Variants in SYNM observed in about 807,000 individuals in gnomAD.
SYNM encodes desmuslin.
A neutral mutation model predicts 104.0 loss-of-function variants in SYNM; 95 were observed. That is an observed-to-expected ratio of 0.91 (90% CI 0.77 to 1.08). The LOEUF is 1.08. SYNM is among the 50% of genes least tolerant of loss of function. SYNM has a pLI of 0.00. For synonymous variants in SYNM, 918 were observed against 869.0 expected (o/e 1.06, Z -0.99); for missense variants, 2,150 against 2,052.2 (o/e 1.05, Z -0.92).
Position 99,105,405 on chromosome 15 carries a change from A to G in SYNM, c.206A>G (p.Gln69Arg). ...RCAEEARSLR[Q>R]QLDELSWATA... ...GCCGAGGAGGCGCGCAGCTTGCGGC[A>G]GCAGCTGGACGAGCTGAGCTGGGCC... Residue 69 changes from glutamine (Q) to arginine (R), a missense_variant, in exon 1 of 4, where the codon CAG (glutamine) becomes CGG (arginine). Gln to Arg is a conservative substitution (Grantham distance 43). Coordinates refer to ENST00000336292, the MANE Select transcript of SYNM (RefSeq NM_145728.3). The G allele has an allele frequency of 6.6e-7, 1 of 1,509,374 alleles. No homozygotes were observed. The allele number at this position is 1,509,374 out of a possible 1,614,324, so 93.5% of individuals were successfully genotyped here.
In SYNM at chr15:99,131,277, A is replaced by G. The variant is rs782163857; in HGVS notation, c.2917A>G (p.Arg973Gly). ...GAGGGAGGAGCTGTCCGCCCTCACC[A>G]GAGAGGGGCAGGGTGGGCCGGGGAG... ...RMREELSALT[R>G]EGQGGPGSVS... The change falls in exon 4 of 4, where the codon AGA becomes GGA. Residue 973 changes from arginine to glycine, a missense_variant. Transcript: ENST00000336292. The surrounding 1 kb of genome is among the most constrained non-coding windows in gnomAD (Gnocchi z 4.3). The G allele has an allele frequency of 1.2e-5, 19 of 1,611,562 alleles. No individual in the cohort carries two copies. The South Asian group carries it at 1.9e-4, about 16-fold the overall frequency.
chr15:99,138,130 G>C (rs369651345), downstream of SYNM: 17 of 1,611,968 alleles, frequency 1.1e-5, no homozygotes, highest in Non-Finnish European at 1.4e-5. Context: ...TGGGGGCCCT[G>C]CAGACAAGCA....
chr15:99,131,818 G>A lies in SYNM; in HGVS notation c.3458G>A (p.Ser1153Asn), dbSNP rs2067511941. 4.3e-6 allele frequency: 7 copies of A among 1,613,940 alleles called. No individual in the cohort carries two copies. The highest frequency in any genetic ancestry group is 5.9e-6 in the Non-Finnish European group (7 of 1,179,906). ...CCCACTGCAGAAGTGGTGGAGGTAA[G>A]TGCGGGAGGTGACCTAAGTCAGGCA... ...EGPTAEVVEV[S>N]AGGDLSQAAS... The change falls in exon 4 of 4, where the codon AGT (serine) becomes AAT (asparagine). Residue 1153 changes from serine to asparagine, a missense_variant. Coordinates refer to ENST00000336292, the MANE Select transcript of SYNM (RefSeq NM_145728.3). The surrounding 1 kb of genome is among the most constrained non-coding windows in gnomAD (Gnocchi z 4.3).
chr15:99,109,166 C>T (rs1298053502), intron 1 of SYNM, among the ~76,000 whole-genome samples: 11 of 152,028 alleles, frequency 7.2e-5, no homozygotes, highest in Non-Finnish European at 1.0e-4. Flanking sequence ...ATGGCCCATG[C>T]GCCTTCACTG....
At chr15:99,119,615 G>C (rs1555484323) in intron 2 of SYNM, among the ~76,000 whole-genome samples, 1 of 152,200 alleles carries the variant, frequency 6.6e-6, no homozygotes, top group African/African-American at 2.4e-5. Context: ...CCTGTCCGAG[G>C]TCACAGAATC....
At chr15:99,120,218 T>C (rs1555484380) in intron 2 of SYNM, among the ~76,000 whole-genome samples, 2 of 152,150 alleles carry the variant, frequency 1.3e-5, no homozygotes. Context: ...AGGAGCTGGA[T>C]GTACTGGGAT....
rs1321474808 is a variant in SYNM at position 99,105,581 on chromosome 15, G to A, written c.382G>A (p.Ala128Thr). 1.1e-5 allele frequency: 13 copies of A among 1,144,108 alleles called. No individual in the cohort carries two copies. The highest frequency in any genetic ancestry group is 1.4e-5 in the Non-Finnish European group (13 of 930,680). The allele number at this position is 1,144,108 out of a possible 1,614,324, so 70.9% of individuals were successfully genotyped here. Residue 128 changes from alanine to threonine, a missense_variant, in exon 1 of 4, where the codon GCC becomes ACC. Ala to Thr is a moderately conservative substitution (Grantham distance 58). Transcript: ENST00000336292. ...RELQEALGAR[A>T]ALEALLGRLQ... The stretch of plus-strand genomic sequence containing the variant: ...GCTGCAGGAGGCGCTGGGCGCGCGC[G>A]CCGCCCTCGAGGCGCTGCTGGGCCG...
In SYNM at chr15:99,130,166, T is replaced by C. The variant is rs782686323; in HGVS notation, c.1806T>C (p.Asp602=). Residue 602 remains aspartate, a synonymous_variant, in exon 4 of 4, where the codon GAT becomes GAC. Transcript: ENST00000336292. The stretch of plus-strand genomic sequence containing the variant: ...AAGGTTTGCAGACGCCTGTGAAGGA[T>C]GCTGGTGGTGGGACCGGTAGAGAGG... ...SPKGLQTPVK[D]AGGGTGREAE... The C allele has an allele frequency of 6.2e-7, 1 of 1,613,844 alleles. No individual in the cohort carries two copies. Among genetic ancestry groups the C allele is most frequent in the South Asian group, 1.1e-5 (1 of 91,074 alleles).
chr15:99,130,901 C>G lies in SYNM; in HGVS notation c.2541C>G (p.Gly847=). ...EHPGGHDRDD[G]SVYGQIHIEE... The stretch of plus-strand genomic sequence containing the variant: ...CCGGGGGGCACGACAGAGATGACGG[C>G]TCGGTGTACGGGCAGATCCACATCG... The change falls in exon 4 of 4, where the codon GGC becomes GGG. Residue 847 remains glycine (G), a synonymous_variant. Coordinates refer to ENST00000336292, the MANE Select transcript of SYNM (RefSeq NM_145728.3). 2.5e-6 allele frequency: 4 copies of G among 1,613,928 alleles called. No individual in the cohort carries two copies. The highest frequency in any genetic ancestry group is 3.4e-6 in the Non-Finnish European group (4 of 1,179,890).
intron 1 of SYNM, among the ~76,000 whole-genome samples, chr15:99,106,942 G>A (rs2067251010): frequency 6.6e-6 from 1 of 152,212 alleles, no homozygotes; most frequent in African/African-American, 2.4e-5. Context: ...AAAGATTTGA[G>A]ACTGACTTTT....
At position 99,105,821 on chromosome 15, in the gene SYNM, G is replaced by A. The variant is rs781983716; in HGVS notation, c.622G>A (p.Glu208Lys). The change falls in exon 1 of 4, where the codon GAG becomes AAG. Residue 208 changes from glutamate (E) to lysine (K), a missense_variant. Glu to Lys is a moderately conservative substitution (Grantham distance 56, BLOSUM62 1). Transcript: ENST00000336292. ...GCAGCTGTACGAGGACGAGGTGCGC[G>A]AGCTGGAGGAGGCGCTGCGGCGCGG... ...TVQLYEDEVR[E>K]LEEALRRGQE... 8.2e-5 allele frequency: 127 copies of A among 1,542,586 alleles called. No homozygotes were observed. Among genetic ancestry groups the A allele is most frequent in the Non-Finnish European group, 1.1e-4 (123 of 1,145,672 alleles).
rs781900681 is a variant in SYNM, at chr15:99,105,950, CTGGAGGACGCGCTGCTGCGGA to C, written c.754_774del (p.Glu252_Met258del). 25 of 1,520,860 alleles carry C rather than the reference CTGGAGGACGCGCTGCTGCGGA, an allele frequency of 1.6e-5. No individual in the cohort carries two copies. The South Asian group carries it at 2.9e-4, about 18-fold the overall frequency. 94.2% of individuals were successfully genotyped at this position (1,520,860 alleles called of 1,614,324 possible). ...CGGGTTGGAGCAGCTGCGCGCGCGGCTGGAGGACGCGCTGCTGCGGATGCGCGAGGAGTACGGGATACAGGC... is the reference window on the plus strand; with the variant it reads ...CGGGTTGGAGCAGCTGCGCGCGCGGCTGCGCGAGGAGTACGGGATACAGGC... On this transcript the variant is annotated inframe_deletion, in exon 1 of 4. Transcript: ENST00000336292.
chr15:99,130,361 A>G lies in SYNM; in HGVS notation c.2001A>G (p.Lys667=), dbSNP rs182970297. 2.5e-3 allele frequency: 4,051 copies of G among 1,613,746 alleles called. 8 individuals carry two copies. Among genetic ancestry groups the G allele is most frequent in the Non-Finnish European group, 3.2e-3 (3,765 of 1,179,754 alleles). ...EASADSFPDT[K]VTYVDRKELP... ...CTGCTGATTCTTTTCCAGACACAAA[A>G]GTCACTTACGTGGACAGGAAAGAGC... The change falls in exon 4 of 4, where the codon AAA becomes AAG. Residue 667 remains lysine (K), a synonymous_variant. Coordinates refer to ENST00000336292, the MANE Select transcript of SYNM (RefSeq NM_145728.3).
In SYNM at chr15:99,105,946, G is replaced by A; in HGVS notation, c.747G>A (p.Ala249=). The A allele has an allele frequency of 6.6e-7, 1 of 1,521,972 alleles. No individual in the cohort carries two copies. Among genetic ancestry groups the A allele is most frequent in the Non-Finnish European group, 8.8e-7 (1 of 1,140,656 alleles). 94.3% of individuals were successfully genotyped at this position (1,521,972 alleles called of 1,614,324 possible). ...CGCTCGGGTTGGAGCAGCTGCGCGC[G>A]CGGCTGGAGGACGCGCTGCTGCGGA... ...REALGLEQLR[A]RLEDALLRMR... Residue 249 remains alanine, a synonymous_variant, in exon 1 of 4, where the codon GCG becomes GCA. Transcript: ENST00000336292.
chr15:99,139,966 T>A (rs1344616073), downstream of SYNM: 1 of 271,580 alleles, frequency 3.7e-6, no homozygotes, highest in Admixed American at 4.4e-5. Flanking sequence ...CTAGGGCAAA[T>A]CAAGGAGAGG....
At chr15:99,118,502 T>C (rs545542795) in intron 2 of SYNM, among the ~76,000 whole-genome samples, 62 of 152,196 alleles carry the variant, frequency 4.1e-4, no homozygotes, top group Non-Finnish European at 7.8e-4. Context: ...TGTGGCTCTT[T>C]AATGCTTAAA....
intron 2 of SYNM, among the ~76,000 whole-genome samples, chr15:99,114,320 A>G (rs782513528): frequency 5.3e-5 from 8 of 151,492 alleles, no homozygotes; most frequent in Non-Finnish European, 8.8e-5. Context: ...ATCAGATCTC[A>G]TGAGAACTCA....
Position 99,128,005 on chromosome 15 carries a change from A to ATTCG in SYNM, c.1006+1216_1006+1217insGTTC, listed in dbSNP as rs60513984. ...ACAGCTGTTGCTGTTAACTTGCTTC[A>ATTCG]TTCATTCATTCATTCATTCATTCAT... On this transcript the variant is annotated intron_variant, in intron 3 of 3. Coordinates refer to ENST00000336292, the MANE Select transcript of SYNM (RefSeq NM_145728.3). Among the ~76,000 whole-genome samples the ATTCG allele has an allele frequency of 0.015, 1,876 of 126,758 alleles. 82 individuals are homozygous for ATTCG. In the East Asian group the frequency reaches 0.18, roughly 12 times the overall value. The allele number at this position is 126,758 out of a possible 152,430, so 83.2% of individuals were successfully genotyped here.
At position 99,105,799 on chromosome 15, in the gene SYNM, G is replaced by A; in HGVS notation, c.600G>A (p.Gln200=). 1 of 1,542,028 alleles carries A rather than the reference G, an allele frequency of 6.5e-7. No homozygotes were observed. The highest frequency in any genetic ancestry group is 8.7e-7 in the Non-Finnish European group (1 of 1,145,282). Residue 200 remains glutamine (Q), a synonymous_variant, in exon 1 of 4, where the codon CAG becomes CAA. Transcript: ENST00000336292. ...CCGAGTCGTGGCGGGAGACGGTGCA[G>A]CTGTACGAGGACGAGGTGCGCGAGC... is the stretch of plus-strand genomic sequence containing the variant. ...LVAESWRETV[Q]LYEDEVRELE...
Sources: allele counts gnomAD v4.1 joint callset (sites outside exome capture counted in the v4.1 genomes callset), GRCh38; gene constraint gnomAD v4.1.1; non-coding constraint Gnocchi (gnomAD v3.1); transcripts MANE v1.5; gene names NCBI Gene and HGNC (gene_info 2026-07-23, HGNC 2026-07-21).